Variants in NTNG1 observed in about 807,000 individuals in gnomAD.
The protein encoded by NTNG1 is netrin G1.
A neutral mutation model predicts 54.0 loss-of-function variants in NTNG1; 16 were observed. That is an observed-to-expected ratio of 0.30 (90% confidence interval 0.20 to 0.45). NTNG1 has a LOEUF of 0.45. NTNG1 is among the 20% of genes least tolerant of loss of function. The pLI, the probability that NTNG1 is intolerant of heterozygous loss-of-function variation, is 1.00. For missense variants in NTNG1, 530 were observed against 678.7 expected (o/e 0.78, Z 2.43); for synonymous variants, 255 against 263.1 (o/e 0.97, Z 0.30).
intron 3 of NTNG1, among the ~76,000 whole-genome samples, chr1:107,379,821 G>A (rs1402224385): frequency 1.3e-5 from 2 of 152,300 alleles, no homozygotes; most frequent in East Asian, 3.9e-4. Context: ...GCTAGCAGGT[G>A]GTAAAGCAAG....
At chr1:107,411,627 C>T (rs1570904058) in intron 5 of NTNG1, among the ~76,000 whole-genome samples, 1 of 152,016 alleles carries the variant, frequency 6.6e-6, no homozygotes, top group African/African-American at 2.4e-5. Context: ...TCTAAATCCC[C>T]CAAATAAAAG....
At chr1:107,146,810 T>G (rs987897296) in intron 1 of NTNG1, among the ~76,000 whole-genome samples, 1 of 152,078 alleles carries the variant, frequency 6.6e-6, no homozygotes, top group African/African-American at 2.4e-5. Flanking sequence ...TGTTGGCATT[T>G]CATAGTCTCT....
At chr1:107,154,595 CAAAAAAAAAAAAAAAA>C (rs59619310) in intron 2 of NTNG1, among the ~76,000 whole-genome samples, 1 of 47,752 alleles carries the variant, frequency 2.1e-5, no homozygotes, top group Non-Finnish European at 4.0e-5. Context: ...GACCCTGTCT[CAAAAAAAAAAAAAAAA>C]AAAAAAAAAA....
At chr1:107,351,889 T>G (rs1669633963) in intron 3 of NTNG1, among the ~76,000 whole-genome samples, 1 of 152,200 alleles carries the variant, frequency 6.6e-6, no homozygotes, top group South Asian at 2.1e-4. Context: ...ACATTCTCCT[T>G]CCAAAAGGGA....
intron 1 of NTNG1, among the ~76,000 whole-genome samples, chr1:107,146,525 C>A (rs1410570615): frequency 6.6e-6 from 1 of 151,880 alleles, no homozygotes; most frequent in Non-Finnish European, 1.5e-5. Context: ...TGATTTTTTT[C>A]TTTTTAGCTT....
At chr1:107,448,044 G>A (rs112163775) in intron 7 of NTNG1, among the ~76,000 whole-genome samples, 5 of 152,170 alleles carry the variant, frequency 3.3e-5, no homozygotes, top group South Asian at 2.1e-4. Flanking sequence ...CAAGGGCCAC[G>A]GTTCAAGAGG....
At chr1:107,274,606 G>A (rs1250394132) in intron 2 of NTNG1, among the ~76,000 whole-genome samples, 4 of 152,188 alleles carry the variant, frequency 2.6e-5, no homozygotes, top group African/African-American at 7.2e-5. Context: ...AGAACAGGTT[G>A]TCCAGATGAA....
intron 3 of NTNG1, among the ~76,000 whole-genome samples, chr1:107,376,386 T>G (rs192362584): frequency 1.5e-4 from 22 of 148,364 alleles, no homozygotes; most frequent in Middle Eastern, 3.5e-3. Flanking sequence ...CCAGCCTGGG[T>G]GACAGAGTGA....
intron 3 of NTNG1, among the ~76,000 whole-genome samples, chr1:107,381,088 G>A (rs535587410): frequency 6.6e-6 from 1 of 151,976 alleles, no homozygotes; most frequent in Non-Finnish European, 1.5e-5. Flanking sequence ...ATAAATGATT[G>A]ATTATGACAT....
chr1:107,395,661 C>G (rs1178873006), intron 4 of NTNG1, among the ~76,000 whole-genome samples: 2 of 152,126 alleles, frequency 1.3e-5, no homozygotes, highest in Admixed American at 6.6e-5. Flanking sequence ...CTTGTAAACT[C>G]TCAATCCTAA....
intron 3 of NTNG1, among the ~76,000 whole-genome samples, chr1:107,392,243 G>A (rs763607086): frequency 1.3e-5 from 2 of 152,068 alleles, no homozygotes; most frequent in African/African-American, 2.4e-5. Flanking sequence ...GGACCCCAGT[G>A]GGTAACAGAG....
At chr1:107,321,385 A>G (rs1218473192) in intron 2 of NTNG1, among the ~76,000 whole-genome samples, 1 of 152,070 alleles carries the variant, frequency 6.6e-6, no homozygotes, top group African/African-American at 2.4e-5. Context: ...ACTTGATACA[A>G]ATGTAGACAT....
chr1:107,350,838 G>A (rs1311332353), intron 3 of NTNG1, among the ~76,000 whole-genome samples: 1 of 152,186 alleles, frequency 6.6e-6, no homozygotes, highest in Non-Finnish European at 1.5e-5. Context: ...CAGGGGATGG[G>A]AGGTGGAGAA....
At position 107,353,000 on chromosome 1, in the gene NTNG1, C is replaced by G. The variant is rs372077319; in HGVS notation, c.887+28078C>G. 2.4e-4 allele frequency among the ~76,000 whole-genome samples: 37 copies of G among 152,272 alleles called. No homozygotes were observed. The South Asian group carries it at 4.1e-3, about 17-fold the overall frequency. On this transcript the variant is annotated intron_variant, in intron 3 of 7. Transcript: ENST00000370068. ...CTGGCCCAGGAAACCATTTTTTCCT[C>G]CTAGGTTTTTGGGCCTCAGATGAGG...
intron 3 of NTNG1, among the ~76,000 whole-genome samples, chr1:107,354,402 G>A (rs1344065018): frequency 2.0e-5 from 3 of 148,214 alleles, no homozygotes; most frequent in East Asian, 4.0e-4. Flanking sequence ...CCGGGAGGTG[G>A]AGCCTGCAGT....
At chr1:107,467,359 A>G (rs768942939) in intron 7 of NTNG1, among the ~76,000 whole-genome samples, 3 of 152,244 alleles carry the variant, frequency 2.0e-5, no homozygotes, top group Non-Finnish European at 4.4e-5. Context: ...CTAATGAAAC[A>G]TAAAAAGCAT....
At chr1:107,202,162 A>G (rs1658806804) in intron 2 of NTNG1, among the ~76,000 whole-genome samples, 1 of 151,700 alleles carries the variant, frequency 6.6e-6, no homozygotes, top group South Asian at 2.1e-4. Flanking sequence ...GACATGTCTC[A>G]TAACTGGACT....
rs115417359 is a variant in NTNG1 at position 107,313,696 on chromosome 1, A to G, written c.247-10586A>G. On this transcript the variant is annotated intron_variant, in intron 2 of 7. Transcript: ENST00000370068. ...AGATGATGGAGAGGTTAAAAAAAATAGTGAAACAGGATTAGGAAAACTAAT... is the reference window on the plus strand; with the variant it reads ...AGATGATGGAGAGGTTAAAAAAAATGGTGAAACAGGATTAGGAAAACTAAT... Among the ~76,000 whole-genome samples the G allele has an allele frequency of 9.4e-3, 1,426 of 152,306 alleles. 11 individuals carry two copies. The highest frequency in any genetic ancestry group is 0.016 in the Non-Finnish European group (1,073 of 68,010).
At chr1:107,215,425 A>G (rs1659885053) in intron 2 of NTNG1, among the ~76,000 whole-genome samples, 1 of 152,134 alleles carries the variant, frequency 6.6e-6, no homozygotes, top group African/African-American at 2.4e-5. Context: ...TTGTCTTGTC[A>G]AAGATCAGTT....
Sources: allele counts gnomAD v4.1 joint callset (sites outside exome capture counted in the v4.1 genomes callset), GRCh38; gene constraint gnomAD v4.1.1; transcripts MANE v1.5; gene names NCBI Gene and HGNC (gene_info 2026-07-23, HGNC 2026-07-21).